PCDHA10: variants seen among roughly 807,000 people sequenced by gnomAD.
PCDHA10 encodes the protein protocadherin alpha 10.
In PCDHA10, 45 loss-of-function variants were observed where a neutral mutation model predicts 61.2. That is an observed-to-expected ratio of 0.74 (90% CI 0.58 to 0.94). PCDHA10 has a LOEUF of 0.94. Ranked by LOEUF, PCDHA10 falls within the 40% of genes least tolerant of loss-of-function variation. PCDHA10 has a pLI of 0.00. For synonymous variants in PCDHA10, 602 were observed against 548.8 expected (o/e 1.10, Z -1.35); for missense variants, 1,278 against 1,236.2 (o/e 1.03, Z -0.51).
intron 1 of PCDHA10, chr5:140,869,243 G>T (rs1554162716): frequency 1.9e-6 from 3 of 1,613,544 alleles, no homozygotes; most frequent in Non-Finnish European, 2.5e-6. Context: ...TTCGTGGGCC[G>T]CATCGCGCAG....
chr5:140,876,154 A>G, intron 1 of PCDHA10: 1 of 1,613,972 alleles, frequency 6.2e-7, no homozygotes, highest in Non-Finnish European at 8.5e-7. Context: ...GTCTGTCCAG[A>G]TTCAAATAAC....
At chr5:140,918,940 A>G (rs541337613) in intron 1 of PCDHA10, among the ~76,000 whole-genome samples, 1 of 152,212 alleles carries the variant, frequency 6.6e-6, no homozygotes, top group Non-Finnish European at 1.5e-5. Context: ...TTTTGTTATA[A>G]TATCCTGAAC....
intron 3 of PCDHA10, among the ~76,000 whole-genome samples, chr5:140,994,546 A>T (rs1168797848): frequency 6.6e-6 from 1 of 152,066 alleles, no homozygotes; most frequent in Non-Finnish European, 1.5e-5. Context: ...CTACAAAAAA[A>T]ATATAAAAAT....
At chr5:140,912,312 T>C (rs2075860793) in intron 1 of PCDHA10, among the ~76,000 whole-genome samples, 1 of 151,960 alleles carries the variant, frequency 6.6e-6, no homozygotes, top group African/African-American at 2.4e-5. Flanking sequence ...TCCAGTCAAG[T>C]TGACCCTCAG....
rs76033389 is a variant in PCDHA10, at chr5:140,874,549, G to A, written c.2388+16113G>A. Among the ~76,000 whole-genome samples, 707 of 152,298 alleles carry A rather than the reference G, an allele frequency of 4.6e-3. 3 individuals are homozygous for A. The highest frequency in any genetic ancestry group is 0.016 in the African/African-American group (683 of 41,566). On this transcript the variant is annotated intron_variant, in intron 1 of 3. Transcript: ENST00000307360. ...GATTAGGCTCCAAAACCCTTTAAGA[G>A]ATCTTTCGCATTTTAGTGCTCCATT...
chr5:140,954,057 A>C (rs1554221238), intron 1 of PCDHA10, among the ~76,000 whole-genome samples: 1 of 152,112 alleles, frequency 6.6e-6, no homozygotes, highest in Admixed American at 6.5e-5. Flanking sequence ...TTCCTGCATT[A>C]TTATGCTGAG....
intron 1 of PCDHA10, among the ~76,000 whole-genome samples, chr5:140,885,900 C>G (rs1387318205): frequency 6.6e-6 from 1 of 152,120 alleles, no homozygotes; most frequent in Non-Finnish European, 1.5e-5. Flanking sequence ...GAAAAGTTCT[C>G]TGTACCTTAT....
intron 1 of PCDHA10, among the ~76,000 whole-genome samples, chr5:140,920,489 A>G (rs1323711960): frequency 2.6e-5 from 4 of 152,182 alleles, no homozygotes; most frequent in African/African-American, 9.7e-5. Flanking sequence ...TGGTCCAACA[A>G]TAGAGTTCTA....
chr5:140,885,941 T>G (rs2060783691), intron 1 of PCDHA10, among the ~76,000 whole-genome samples: 1 of 152,196 alleles, frequency 6.6e-6, no homozygotes, highest in Non-Finnish European at 1.5e-5. Flanking sequence ...TTTTTTGACA[T>G]TTTTAATTAA....
Position 140,857,393 on chromosome 5 carries a change from G to T in PCDHA10, c.1345G>T (p.Asp449Tyr). 6.3e-7 allele frequency: 1 copy of T among 1,598,492 alleles called. No individual in the cohort carries two copies. The highest frequency in any genetic ancestry group is 1.1e-5 in the South Asian group (1 of 90,550). The change falls in exon 1 of 4, where the codon GAC becomes TAC. Residue 449 changes from aspartate (D) to tyrosine (Y), a missense_variant. Physicochemically the swap from Asp to Tyr is radical, Grantham distance 160. Coordinates refer to ENST00000307360, the MANE Select transcript of PCDHA10 (RefSeq NM_018901.4). ...GTCTGTGGAGGTGGCCGACGTGAAC[G>T]ACAACGCGCCTGCGTTCGCGCAGTC... ...SVSVEVADVN[D>Y]NAPAFAQSEY...
chr5:140,870,857 G>C, intron 1 of PCDHA10: 1 of 1,613,916 alleles, frequency 6.2e-7, no homozygotes. Context: ...CGGTCGGTGG[G>C]TGCGGGCCAC....
intron 1 of PCDHA10, among the ~76,000 whole-genome samples, chr5:140,903,136 A>C (rs1554190778): frequency 6.6e-6 from 1 of 152,212 alleles, no homozygotes; most frequent in Non-Finnish European, 1.5e-5. Flanking sequence ...AGAAATCTCC[A>C]AACTGTTTTC....
At chr5:140,935,245 T>A (rs1409133658) in intron 1 of PCDHA10, among the ~76,000 whole-genome samples, 1 of 152,200 alleles carries the variant, frequency 6.6e-6, no homozygotes, top group Non-Finnish European at 1.5e-5. Flanking sequence ...TTTTAAAAGA[T>A]AAAATACATC....
chr5:140,869,424 G>T (rs2051119407), intron 1 of PCDHA10: 18 of 1,614,216 alleles, frequency 1.1e-5, no homozygotes, highest in Non-Finnish European at 1.5e-5. Context: ...TCCACCTGGA[G>T]GTGATCGTGG....
chr5:140,959,347 C>T (rs561977478), intron 1 of PCDHA10, among the ~76,000 whole-genome samples: 4 of 151,938 alleles, frequency 2.6e-5, no homozygotes, highest in Admixed American at 6.6e-5. Context: ...TGCACTCCAG[C>T]GGGACAACTG....
chr5:141,011,104 C>A lies in PCDHA10; in HGVS notation c.*1167C>A, dbSNP rs1396728499. On this transcript the variant is annotated 3_prime_UTR_variant, in exon 4 of 4. Transcript: ENST00000307360. ...GATCTCTCTTTCTCTCTCTCTCTCT[C>A]TTTTCTAAGAAACAATTATGTGCAC... is the stretch of plus-strand genomic sequence containing the variant. 6.5e-6 allele frequency: 1 copy of A among 153,726 alleles called. No individual in the cohort carries two copies. The highest frequency in any genetic ancestry group is 1.5e-5 in the Non-Finnish European group (1 of 68,028). The allele number at this position is 153,726 out of a possible 1,614,324, so 9.5% of individuals were successfully genotyped here. A position where few individuals can be genotyped will look rare whatever the true frequency, so the allele number is the denominator to read the frequency against.
At chr5:140,955,401 A>T (rs1202478496) in intron 1 of PCDHA10, among the ~76,000 whole-genome samples, 2 of 152,122 alleles carry the variant, frequency 1.3e-5, no homozygotes, top group African/African-American at 4.8e-5. Flanking sequence ...TATCCCATAC[A>T]GTTCTCATGA....
intron 1 of PCDHA10, among the ~76,000 whole-genome samples, chr5:140,903,411 A>G (rs265314): frequency 0.015 from 2,274 of 152,338 alleles, 53 homozygotes; most frequent in African/African-American, 0.052. Flanking sequence ...TGCAGTCAGG[A>G]AAAATTCAGC....
intron 1 of PCDHA10, among the ~76,000 whole-genome samples, chr5:140,886,696 C>T (rs564317930): frequency 2.0e-5 from 3 of 151,944 alleles, no homozygotes; most frequent in Non-Finnish European, 2.9e-5. Flanking sequence ...CATGGTGGCA[C>T]GCGCCTGTAA....
Sources: gnomAD v4.1 joint callset for allele counts (sites outside exome capture counted in the v4.1 genomes callset) on GRCh38, gnomAD v4.1.1 for gene constraint, MANE v1.5 for transcripts, NCBI Gene and HGNC (gene_info 2026-07-23, HGNC 2026-07-21) for gene names.